CORO2B: variants seen among roughly 807,000 people sequenced by gnomAD.
The protein encoded by CORO2B is coronin 2B.
CORO2B carries 26 observed loss-of-function variants against 58.8 expected under a neutral mutation model. That is an observed-to-expected ratio of 0.44 (90% CI 0.32 to 0.61). CORO2B has a LOEUF of 0.61. Among genes scored for constraint, CORO2B ranks in the 20% least tolerant of loss-of-function variants. The pLI, the probability that CORO2B is intolerant of heterozygous loss-of-function variation, is 0.04. For synonymous variants in CORO2B, 242 were observed against 253.8 expected (o/e 0.95, Z 0.44); for missense variants, 460 against 645.1 (o/e 0.71, Z 3.11).
intron 5 of CORO2B, among the ~76,000 whole-genome samples, chr15:68,712,145 G>A (rs1463924256): frequency 2.0e-5 from 3 of 152,154 alleles, no homozygotes; most frequent in African/African-American, 7.2e-5. Context: ...TTTGGTCTTT[G>A]AATCTCCTGG....
intron 3 of CORO2B, among the ~76,000 whole-genome samples, chr15:68,708,248 G>A (rs1203171300): frequency 6.6e-6 from 1 of 152,148 alleles, no homozygotes; most frequent in African/African-American, 2.4e-5. Flanking sequence ...ATAGTATGAG[G>A]AGGAGGCACC....
chr15:68,708,253 G>A (rs983216648), intron 3 of CORO2B, among the ~76,000 whole-genome samples: 1 of 152,102 alleles, frequency 6.6e-6, no homozygotes, highest in African/African-American at 2.4e-5. Flanking sequence ...ATGAGGAGGA[G>A]GCACCAAGAA....
chr15:68,660,972 G>A (rs2140286511), intron 2 of CORO2B, among the ~76,000 whole-genome samples: 1 of 89,604 alleles, frequency 1.1e-5, no homozygotes, highest in South Asian at 6.0e-4. Context: ...AATGTGTAAT[G>A]AGTCTTTTTT....
the CORO2B span, among the ~76,000 whole-genome samples, chr15:68,564,176 T>C: frequency 6.6e-6 from 1 of 152,220 alleles, no homozygotes; most frequent in African/African-American, 2.4e-5. Context: ...ATACTGCAAA[T>C]TGGCACTTTT....
At chr15:68,716,223 T>A (rs1288167617) in intron 8 of CORO2B, among the ~76,000 whole-genome samples, 6 of 152,218 alleles carry the variant, frequency 3.9e-5, no homozygotes. Flanking sequence ...CATCAAATAG[T>A]ATAAAAATCA....
intron 2 of CORO2B, among the ~76,000 whole-genome samples, chr15:68,647,689 C>CAA (rs3084725): frequency 0.039 from 4,816 of 122,742 alleles, 383 homozygotes; most frequent in African/African-American, 0.15. Flanking sequence ...AACTCCATCT[C>CAA]AAAAAAAAAA....
chr15:68,704,118 T>C (rs1346391761), intron 3 of CORO2B, among the ~76,000 whole-genome samples: 2 of 150,870 alleles, frequency 1.3e-5, no homozygotes, highest in African/African-American at 2.4e-5. Context: ...TGCGCATCTG[T>C]AGTTTCAGCT....
intron 1 of CORO2B, among the ~76,000 whole-genome samples, chr15:68,607,500 C>G (rs1185760879): frequency 6.6e-6 from 1 of 152,130 alleles, no homozygotes; most frequent in South Asian, 2.1e-4. Context: ...GGACATGGAA[C>G]CTGCCTCAAA....
chr15:68,531,543 G>A, the CORO2B span, among the ~76,000 whole-genome samples: 5,326 of 31,626 alleles, frequency 0.17, 225 homozygotes, highest in Middle Eastern at 0.3. Flanking sequence ...AAGGAAGGAA[G>A]GAAGGAAGGA....
the CORO2B span, among the ~76,000 whole-genome samples, chr15:68,525,386 C>A: frequency 6.6e-6 from 1 of 152,138 alleles, no homozygotes; most frequent in African/African-American, 2.4e-5. Context: ...TGTTTTGAAG[C>A]AAATTACTAG....
At chr15:68,615,489 A>G (rs985325565) in intron 1 of CORO2B, among the ~76,000 whole-genome samples, 2 of 152,168 alleles carry the variant, frequency 1.3e-5, no homozygotes, top group African/African-American at 4.8e-5. Context: ...TTAGGCTTAG[A>G]TGAGAAGCAG....
the CORO2B span, among the ~76,000 whole-genome samples, chr15:68,529,790 A>G: frequency 6.6e-6 from 1 of 152,232 alleles, no homozygotes; most frequent in Non-Finnish European, 1.5e-5. Flanking sequence ...ATTTAAAGAC[A>G]TATATTTCTC....
chr15:68,707,928 A>T (rs1892820927), intron 3 of CORO2B, among the ~76,000 whole-genome samples: 1 of 149,452 alleles, frequency 6.7e-6, no homozygotes, highest in Admixed American at 6.7e-5. Context: ...CCTATACATC[A>T]CTCCCTCCCC....
At chr15:68,607,869 C>T (rs545832938) in intron 1 of CORO2B, among the ~76,000 whole-genome samples, 230 of 151,296 alleles carry the variant, frequency 1.5e-3, no homozygotes, top group African/African-American at 4.9e-3. Flanking sequence ...TCACTCCTTT[C>T]TAAGAGAGGT....
chr15:68,603,524 T>C (rs1234964770), intron 1 of CORO2B, among the ~76,000 whole-genome samples: 1 of 152,064 alleles, frequency 6.6e-6, no homozygotes, highest in Non-Finnish European at 1.5e-5. Context: ...CTGAATTGTA[T>C]CCCCCTAATT....
chr15:68,670,068 A>AT (rs397708940), intron 2 of CORO2B, among the ~76,000 whole-genome samples: 1 of 146,670 alleles, frequency 6.8e-6, no homozygotes, highest in African/African-American at 2.6e-5. Flanking sequence ...GAAAAAAAAA[A>AT]GGGGGGGAAA....
chr15:68,600,470 TC>T (rs1296446860), intron 1 of CORO2B, among the ~76,000 whole-genome samples: 2 of 152,056 alleles, frequency 1.3e-5, no homozygotes, highest in Non-Finnish European at 2.9e-5. Flanking sequence ...ACCGCTGCCC[TC>T]CTCTCTGGGG....
chr15:68,725,822 C>G, intron 11 of CORO2B, 21 bp from the exon 12 acceptor site: 2 of 1,612,864 alleles, frequency 1.2e-6, no homozygotes, highest in Non-Finnish European at 1.7e-6. Context: ...CTCCTTGGCC[C>G]CCTCTCTTCC....
At chr15:68,581,961 C>T (rs989355644) in intron 1 of CORO2B, among the ~76,000 whole-genome samples, 1 of 152,142 alleles carries the variant, frequency 6.6e-6, no homozygotes, top group Non-Finnish European at 1.5e-5. Flanking sequence ...TCCTCTGGGC[C>T]AGGGTTAGGT....
Sources: allele counts gnomAD v4.1 joint callset (sites outside exome capture counted in the v4.1 genomes callset), GRCh38; gene constraint gnomAD v4.1.1; transcripts MANE v1.5; gene names NCBI Gene and HGNC (gene_info 2026-07-23, HGNC 2026-07-21).